COL4A4: variants seen among roughly 807,000 people sequenced by gnomAD.
COL4A4 encodes the protein collagen alpha-4(IV) chain.
A neutral mutation model predicts 192.9 loss-of-function variants in COL4A4; 105 were observed. That is an observed-to-expected ratio of 0.54 (90% confidence interval 0.46 to 0.64). The LOEUF is 0.64. COL4A4 is among the 30% of genes least tolerant of loss of function. COL4A4 has a pLI of 0.00. For missense variants in COL4A4, 1,967 were observed against 2,169.3 expected (o/e 0.91, Z 1.85); for synonymous variants, 762 against 769.9 (o/e 0.99, Z 0.17).
chr2:226,988,445 T>TA, the COL4A4 span: 1 of 1,549,746 alleles, frequency 6.5e-7, no homozygotes, highest in Non-Finnish European at 8.7e-7. Context: ...AGTTTGGACC[T>TA]AAGGAATCCT....
intron 35 of COL4A4, among the ~76,000 whole-genome samples, chr2:227,044,757 G>A (rs1972112862): frequency 6.6e-6 from 1 of 152,134 alleles, no homozygotes; most frequent in Admixed American, 6.5e-5. Flanking sequence ...ATAATCCCAA[G>A]ACCAGCTGCA....
In COL4A4 at chr2:227,109,277, C is replaced by A. The variant is rs751385680; in HGVS notation, c.604G>T (p.Gly202Cys). 2 of 1,613,834 alleles carry A rather than the reference C, an allele frequency of 1.2e-6. No homozygotes were observed. The highest frequency in any genetic ancestry group is 1.7e-6 in the Non-Finnish European group (2 of 1,179,826). The change falls in exon 10 of 48, where the codon GGT becomes TGT. Residue 202 changes from glycine (G) to cysteine (C), a missense_variant. Coordinates refer to ENST00000396625, the MANE Select transcript of COL4A4 (RefSeq NM_000092.5). Reference sequence around the variant, plus strand: ...GTGGGACCTGCCGGTCCTCCTGCACCCCAAGATCCCTAAACATGAGAAAAA... The same window carrying A: ...GTGGGACCTGCCGGTCCTCCTGCACACCAAGATCCCTAAACATGAGAAAAA... ...PGLPGLPGSW[G>C]AGGPAGPTGY... is the part of the protein sequence containing the mutation.
intron 25 of COL4A4, among the ~76,000 whole-genome samples, chr2:227,070,754 T>C (rs1238795823): frequency 6.6e-6 from 1 of 150,724 alleles, no homozygotes; most frequent in East Asian, 2.0e-4. Flanking sequence ...GAGGATAGCA[T>C]TAGGAGTTAT....
chr2:227,134,906 GA>G, intron 4 of COL4A4, among the ~76,000 whole-genome samples: 1 of 152,150 alleles, frequency 6.6e-6, no homozygotes, highest in East Asian at 1.9e-4. Flanking sequence ...ACAATATGGG[GA>G]AAAAACTGTG....
intron 28 of COL4A4, among the ~76,000 whole-genome samples, chr2:227,057,980 G>T (rs1295338908): frequency 4.6e-5 from 7 of 152,128 alleles, no homozygotes; most frequent in Non-Finnish European, 8.8e-5. Flanking sequence ...TTCATCACTT[G>T]TATTCTCAAA....
chr2:227,116,679 AT>A, intron 7 of COL4A4, among the ~76,000 whole-genome samples: 1 of 152,224 alleles, frequency 6.6e-6, no homozygotes, highest in Non-Finnish European at 1.5e-5. Context: ...GATTGTTGTC[AT>A]TTGAGAGACT....
intron 36 of COL4A4, 27 bp from the exon 37 acceptor site, chr2:227,042,282 A>T (rs771858684): frequency 2.0e-5 from 26 of 1,291,480 alleles, no homozygotes; most frequent in Non-Finnish European, 2.8e-5. Context: ...AGTTTTGCAG[A>T]TGGCCAGATA....
the COL4A4 span, among the ~76,000 whole-genome samples, chr2:226,991,413 C>T: frequency 1.3e-5 from 2 of 152,210 alleles, no homozygotes; most frequent in Non-Finnish European, 2.9e-5. Context: ...ATCTCCTGAC[C>T]TCGTGAACCG....
chr2:227,109,521 G>A (rs766287699), intron 9 of COL4A4: 2 of 670,300 alleles, frequency 3.0e-6, no homozygotes, highest in South Asian at 3.0e-5. Flanking sequence ...GGCCAAGTGG[G>A]GCAGATCACG....
intron 3 of COL4A4, among the ~76,000 whole-genome samples, chr2:227,142,616 A>G (rs1226457382): frequency 6.6e-6 from 1 of 151,892 alleles, no homozygotes; most frequent in African/African-American, 2.4e-5. Context: ...AATTAGCCAG[A>G]TGTGATGGCA....
In COL4A4 at chr2:227,101,887, G is replaced by T; in HGVS notation, c.953C>A (p.Ser318Tyr). 6.3e-7 allele frequency: 1 copy of T among 1,596,512 alleles called. No homozygotes were observed. The highest frequency in any genetic ancestry group is 8.6e-7 in the Non-Finnish European group (1 of 1,168,138). Residue 318 changes from serine (S) to tyrosine (Y), a missense_variant, in exon 16 of 48, where the codon TCT becomes TAT. By Grantham distance (144) the Ser-to-Tyr change is moderately radical. Coordinates refer to ENST00000396625, the MANE Select transcript of COL4A4 (RefSeq NM_000092.5). Reference protein sequence around the residue: ...GPRGDPGSYGSPGFPGLKGEL... With the variant: ...GPRGDPGSYGYPGFPGLKGEL... ...TACCTTTAATCCTGGAAAACCTGGA[G>T]ATCCATAGGAACCAGGATCCCCCTA...
rs757228392 is a variant in COL4A4, at chr2:227,047,469, C to G, written c.3289+6G>C. On this transcript the variant is annotated splice_donor_region_variant and intron_variant, in intron 35 of 47. Coordinates refer to ENST00000396625, the MANE Select transcript of COL4A4 (RefSeq NM_000092.5). ...TTGTTTTAGTAAGAAAAATATGCAG[C>G]TATACCTGGACATCCAGGGCTACCT... The G allele has an allele frequency of 1.9e-6, 3 of 1,609,592 alleles. No homozygotes were observed. The highest frequency in any genetic ancestry group is 2.6e-6 in the Non-Finnish European group (3 of 1,176,054).
intron 3 of COL4A4, among the ~76,000 whole-genome samples, chr2:227,144,301 A>G (rs986960355): frequency 1.3e-5 from 2 of 152,226 alleles, no homozygotes; most frequent in African/African-American, 4.8e-5. Flanking sequence ...TTATGTTTGT[A>G]TTAAAATAAA....
intron 1 of COL4A4, among the ~76,000 whole-genome samples, chr2:227,159,216 T>C (rs2064607180): frequency 6.6e-6 from 1 of 152,214 alleles, no homozygotes; most frequent in African/African-American, 2.4e-5. Context: ...TGTAAGATAG[T>C]ATACACGGTA....
chr2:227,118,873 T>G (rs1576645455), intron 6 of COL4A4, 112 bp from the exon 7 acceptor site: 1 of 770,826 alleles, frequency 1.3e-6, no homozygotes, highest in Non-Finnish European at 2.3e-6. Flanking sequence ...ATTTACTGTT[T>G]AGTTTTGTGA....
At chr2:227,161,725 G>C (rs2064849389) in intron 1 of COL4A4, among the ~76,000 whole-genome samples, 1 of 152,156 alleles carries the variant, frequency 6.6e-6, no homozygotes, top group South Asian at 2.1e-4. Flanking sequence ...AGTGAGACCA[G>C]AGACTCTACA....
At chr2:227,130,342 C>T (rs1352894889) in intron 4 of COL4A4, among the ~76,000 whole-genome samples, 3 of 152,232 alleles carry the variant, frequency 2.0e-5, no homozygotes, top group Non-Finnish European at 4.4e-5. Flanking sequence ...TCACCCCTTA[C>T]TCCAGGCCAT....
chr2:226,985,669 G>A, the COL4A4 span, among the ~76,000 whole-genome samples: 1 of 152,376 alleles, frequency 6.6e-6, no homozygotes, highest in East Asian at 1.9e-4. Context: ...CCTGGGCTCT[G>A]TGGGAAGCCC....
At chr2:226,967,914 C>T in the COL4A4 span, among the ~76,000 whole-genome samples, 17 of 152,162 alleles carry the variant, frequency 1.1e-4, no homozygotes, top group Admixed American at 9.2e-4. Context: ...AACTCTGTAA[C>T]CTGTTGGTAG....
Sources: gnomAD v4.1 joint callset for allele counts (sites outside exome capture counted in the v4.1 genomes callset) on GRCh38, gnomAD v4.1.1 for gene constraint, MANE v1.5 for transcripts, NCBI Gene and HGNC (gene_info 2026-07-23, HGNC 2026-07-21) for gene names.